SNX25: variants seen among roughly 807,000 people sequenced by gnomAD.
SNX25 encodes sorting nexin 25, also known as sorting nexin-25.
SNX25 carries 62 observed loss-of-function variants against 113.7 expected under a neutral mutation model. The observed-to-expected ratio is 0.55, with a 90% CI of 0.44 to 0.67. The LOEUF (loss-of-function observed/expected upper bound fraction) is 0.67. Among genes scored for constraint, SNX25 ranks in the 30% least tolerant of loss-of-function variants. The probability of loss-of-function intolerance (pLI) is 0.00; values close to 1 mark genes in which losing one functional copy is unlikely to be tolerated. For missense variants in SNX25, 1,014 were observed against 1,161.0 expected (o/e 0.87, Z 1.84); for synonymous variants, 421 against 436.2 (o/e 0.97, Z 0.43).
At chr4:185,260,215 T>A (rs1747096925) in intron 3 of SNX25, among the ~76,000 whole-genome samples, 1 of 138,342 alleles carries the variant, frequency 7.2e-6, no homozygotes. Context: ...ATTGGTTTTA[T>A]TTTCTTACTT....
intron 1 of SNX25, among the ~76,000 whole-genome samples, chr4:185,212,491 G>GTGTTTTTGTTTTTTT (rs546083196): frequency 2.9e-5 from 3 of 104,944 alleles, no homozygotes; most frequent in African/African-American, 3.7e-5. Context: ...GTGTGTGTGT[G>GTGTTTTTGTTTTTTT]TTTTTTTTTT....
At chr4:185,354,531 G>T (rs902245172) in intron 15 of SNX25, among the ~76,000 whole-genome samples, 1 of 152,176 alleles carries the variant, frequency 6.6e-6, no homozygotes, top group African/African-American at 2.4e-5. Context: ...CGGCAGAGTT[G>T]TCCTGCCCCC....
At position 185,334,289 on chromosome 4, in the gene SNX25, A is replaced by T. The variant is rs921429106; in HGVS notation, c.1914+1530A>T. On this transcript the variant is annotated intron_variant, in intron 10 of 18. Coordinates refer to ENST00000652585, the MANE Select transcript of SNX25 (RefSeq NM_001378034.2). The surrounding 1 kb of genome is among the most constrained non-coding windows in gnomAD (Gnocchi z 4.2). ...GGAGGCAGAAGTTGCGTGAGCCAAGATCATGCCACTGCACTTCCAGCCTGG... is the reference window on the plus strand; with the variant it reads ...GGAGGCAGAAGTTGCGTGAGCCAAGTTCATGCCACTGCACTTCCAGCCTGG... Among the ~76,000 whole-genome samples, 7 of 152,134 alleles carry T rather than the reference A, an allele frequency of 4.6e-5. No homozygotes were observed. The highest frequency in any genetic ancestry group is 1.7e-4 in the African/African-American group (7 of 41,414).
At chr4:185,331,450 A>G (rs1390283371) in intron 9 of SNX25, among the ~76,000 whole-genome samples, 2 of 152,224 alleles carry the variant, frequency 1.3e-5, no homozygotes, top group Admixed American at 6.5e-5. Context: ...ATGAAATTAT[A>G]TATCATTTTA....
At chr4:185,320,659 G>A in intron 7 of SNX25, 74 bp from the exon 8 acceptor site, 5 of 1,147,914 alleles carry the variant, frequency 4.4e-6, no homozygotes, top group East Asian at 2.7e-5. Flanking sequence ...GTAGAAATCA[G>A]TCCATTGGAA....
Position 185,314,748 on chromosome 4 carries a change from C to G in SNX25, c.1344+3932C>G, listed in dbSNP as rs576015218. Reference sequence around the variant, plus strand: ...TGGTGGGCACCTATAATCCCAGGTACTCGGGAGGCTGCGGCAGAAGAATCA... The same window carrying G: ...TGGTGGGCACCTATAATCCCAGGTAGTCGGGAGGCTGCGGCAGAAGAATCA... On this transcript the variant is annotated intron_variant, in intron 7 of 18. Transcript: ENST00000652585. Among the ~76,000 whole-genome samples the G allele has an allele frequency of 2.0e-5, 3 of 150,892 alleles. No homozygotes were observed. The South Asian group carries it at 6.3e-4, about 32-fold the overall frequency.
intron 16 of SNX25, among the ~76,000 whole-genome samples, chr4:185,360,938 T>C (rs2095359692): frequency 6.8e-6 from 1 of 146,254 alleles, no homozygotes; most frequent in African/African-American, 2.5e-5. Context: ...ATAATATATA[T>C]ATATATATAT....
intron 2 of SNX25, 85 bp from the exon 3 acceptor site, chr4:185,258,763 T>A: frequency 9.8e-7 from 1 of 1,021,636 alleles, no homozygotes; most frequent in Non-Finnish European, 1.5e-6. Flanking sequence ...TATTAAATAG[T>A]AGGTGGCCAG....
intron 6 of SNX25, among the ~76,000 whole-genome samples, chr4:185,308,648 G>A (rs997870869): frequency 6.6e-6 from 1 of 152,154 alleles, no homozygotes; most frequent in Non-Finnish European, 1.5e-5. Flanking sequence ...TTGCTGCCAG[G>A]CACTGTTGTA....
At chr4:185,265,694 T>G (rs1169173151) in intron 4 of SNX25, among the ~76,000 whole-genome samples, 1 of 152,242 alleles carries the variant, frequency 6.6e-6, no homozygotes, top group Non-Finnish European at 1.5e-5. Flanking sequence ...ACTTTTAATT[T>G]TTTTAAACTT....
chr4:185,360,952 T>G (rs1042230498), intron 16 of SNX25, among the ~76,000 whole-genome samples: 74 of 146,314 alleles, frequency 5.1e-4, no homozygotes, highest in Admixed American at 1.1e-3. Flanking sequence ...TATATATATA[T>G]AGAATCTGTC....
At chr4:185,281,074 G>A (rs1029601507) in intron 5 of SNX25, among the ~76,000 whole-genome samples, 1 of 151,920 alleles carries the variant, frequency 6.6e-6, no homozygotes, top group African/African-American at 2.4e-5. Flanking sequence ...TTGGAGAGAC[G>A]CCCCACAGCT....
intron 10 of SNX25, among the ~76,000 whole-genome samples, chr4:185,337,804 A>G (rs1189909189): frequency 5.3e-5 from 8 of 152,198 alleles, no homozygotes; most frequent in African/African-American, 7.2e-5. Flanking sequence ...TTCTTATTTC[A>G]TAACCAATTC....
rs1737435685 is a variant in SNX25, at chr4:185,209,705, G to A, written c.-122G>A. On this transcript the variant is annotated 5_prime_UTR_variant, in exon 1 of 19. Transcript: ENST00000652585. This position sits in a 1 kb window ranked among gnomAD's most constrained non-coding sequence, Gnocchi z 5.2. ...CCGAGAGGGGCCCGGCGGCGTCTGC[G>A]GGGGCCGCTCCCTCGGTGGGCCGCG... 2 of 981,490 alleles carry A rather than the reference G, an allele frequency of 2.0e-6. No homozygotes were observed. Among genetic ancestry groups the A allele is most frequent in the Non-Finnish European group, 2.4e-6 (2 of 826,918 alleles). 60.8% of individuals were successfully genotyped at this position (981,490 alleles called of 1,614,324 possible). A position where few individuals can be genotyped will look rare whatever the true frequency, so the allele number is the denominator to read the frequency against.
intron 7 of SNX25, among the ~76,000 whole-genome samples, chr4:185,311,939 G>A (rs1184525064): frequency 6.6e-6 from 1 of 152,136 alleles, no homozygotes; most frequent in Non-Finnish European, 1.5e-5. Flanking sequence ...GTCTGTTGAT[G>A]TTGCTATTAG....
intron 16 of SNX25, among the ~76,000 whole-genome samples, chr4:185,360,483 C>A (rs925376497): frequency 6.6e-6 from 1 of 152,096 alleles, no homozygotes; most frequent in African/African-American, 2.4e-5. Flanking sequence ...TATTATTATT[C>A]ATGAATTGAA....
chr4:185,332,230 C>A (rs931140615), intron 9 of SNX25, among the ~76,000 whole-genome samples: 1 of 152,028 alleles, frequency 6.6e-6, no homozygotes, highest in Non-Finnish European at 1.5e-5. Flanking sequence ...TGGAAAGAAC[C>A]CAAATGTCAG....
At chr4:185,302,660 G>A (rs941211569) in intron 6 of SNX25, among the ~76,000 whole-genome samples, 1 of 152,204 alleles carries the variant, frequency 6.6e-6, no homozygotes, top group African/African-American at 2.4e-5. Flanking sequence ...GTGCGGAGAC[G>A]CCGACTCTGC....
At chr4:185,294,198 G>T (rs1249548082) in intron 6 of SNX25, among the ~76,000 whole-genome samples, 1 of 152,176 alleles carries the variant, frequency 6.6e-6, no homozygotes, top group African/African-American at 2.4e-5. Context: ...CATAAATGCA[G>T]CTCAAAACAC....
Sources: gnomAD v4.1 joint callset for allele counts (sites outside exome capture counted in the v4.1 genomes callset) on GRCh38, gnomAD v4.1.1 for gene constraint, Gnocchi (gnomAD v3.1) non-coding constraint, MANE v1.5 for transcripts, NCBI Gene and HGNC (gene_info 2026-07-23, HGNC 2026-07-21) for gene names.